Variants in MAPK10 observed in about 807,000 individuals in gnomAD.
The protein encoded by MAPK10 is JNK3 alpha protein kinase.
In MAPK10, 25 loss-of-function variants were observed where a neutral mutation model predicts 59.3. The observed-to-expected ratio is 0.42, with a 90% CI of 0.31 to 0.59. The LOEUF (loss-of-function observed/expected upper bound fraction) is 0.59. Among genes scored for constraint, MAPK10 ranks in the 20% least tolerant of loss-of-function variants. The pLI is 0.15. For missense variants in MAPK10, 351 were observed against 568.9 expected (o/e 0.62, Z 3.90); for synonymous variants, 190 against 200.5 (o/e 0.95, Z 0.44).
chr4:86,483,468 C>T (rs1436152635), intron 1 of MAPK10, among the ~76,000 whole-genome samples: 5 of 152,054 alleles, frequency 3.3e-5, no homozygotes, highest in Non-Finnish European at 7.4e-5. Flanking sequence ...AGAGAGACTT[C>T]ATGAAACGTG....
At chr4:86,305,934 A>G (rs1222592847) in intron 2 of MAPK10, among the ~76,000 whole-genome samples, 3 of 152,192 alleles carry the variant, frequency 2.0e-5, no homozygotes, top group Non-Finnish European at 4.4e-5. Flanking sequence ...GCTTAATATT[A>G]TCACAATTTA....
chr4:86,320,722 A>G (rs1253517710), intron 2 of MAPK10, among the ~76,000 whole-genome samples: 3 of 152,188 alleles, frequency 2.0e-5, no homozygotes, highest in African/African-American at 7.2e-5. Context: ...TTAGACATGA[A>G]GCCTTGCACA....
intron 1 of MAPK10, among the ~76,000 whole-genome samples, chr4:86,489,869 CA>C (rs1428237483): frequency 1.3e-5 from 2 of 152,198 alleles, no homozygotes; most frequent in Middle Eastern, 3.4e-3. Context: ...GAGTCTCTTC[CA>C]ACTCATTCTC....
At chr4:86,141,484 T>G (rs1267646444) in intron 4 of MAPK10, among the ~76,000 whole-genome samples, 1 of 152,188 alleles carries the variant, frequency 6.6e-6, no homozygotes. Flanking sequence ...AGAAGAAGTT[T>G]AAGACACCAT....
chr4:86,376,496 T>A (rs1006378895), intron 1 of MAPK10, among the ~76,000 whole-genome samples: 31 of 152,210 alleles, frequency 2.0e-4, no homozygotes, highest in African/African-American at 7.2e-4. Flanking sequence ...TCAAAATTTT[T>A]GTCAAAATAA....
intron 1 of MAPK10, among the ~76,000 whole-genome samples, chr4:86,376,709 A>G (rs1187312855): frequency 6.6e-6 from 1 of 152,220 alleles, no homozygotes; most frequent in Non-Finnish European, 1.5e-5. Flanking sequence ...CTAGCATTAG[A>G]CATGAGAAAC....
intron 11 of MAPK10, among the ~76,000 whole-genome samples, chr4:86,035,339 C>A (rs1394322284): frequency 2.2e-5 from 3 of 136,328 alleles, no homozygotes; most frequent in Non-Finnish European, 4.6e-5. Context: ...CCACTGCACT[C>A]CAGCCTGGGT....
intron 3 of MAPK10, 33 bp from the exon 4 acceptor site, chr4:86,159,500 C>G (rs2068842500): frequency 6.3e-7 from 1 of 1,579,774 alleles, no homozygotes; most frequent in Non-Finnish European, 8.7e-7. Context: ...AAACATGAGG[C>G]AAGTGAACAG....
At chr4:86,321,141 T>G (rs1189679092) in intron 2 of MAPK10, among the ~76,000 whole-genome samples, 1 of 151,990 alleles carries the variant, frequency 6.6e-6, no homozygotes, top group Non-Finnish European at 1.5e-5. Context: ...TTGGTGGGAC[T>G]GTAAACTAGT....
At chr4:86,316,888 A>AT (rs536937813) in intron 2 of MAPK10, among the ~76,000 whole-genome samples, 154 of 143,358 alleles carry the variant, frequency 1.1e-3, no homozygotes, top group African/African-American at 3.6e-3. Context: ...TATGCTTCAG[A>AT]TTTTATCATT....
At chr4:86,561,432 G>T (rs962752412) in intron 1 of MAPK10, among the ~76,000 whole-genome samples, 2 of 152,192 alleles carry the variant, frequency 1.3e-5, no homozygotes, top group African/African-American at 4.8e-5. Flanking sequence ...GACATTATTT[G>T]AACCTAGTTT....
chr4:86,088,010 T>A (rs1053524935), intron 9 of MAPK10, among the ~76,000 whole-genome samples: 3 of 152,212 alleles, frequency 2.0e-5, no homozygotes, highest in Non-Finnish European at 2.9e-5. Flanking sequence ...TGAAGTGTTT[T>A]ATTAAAGCAG....
At chr4:86,526,148 A>G (rs1484261883) in intron 1 of MAPK10, among the ~76,000 whole-genome samples, 4 of 152,164 alleles carry the variant, frequency 2.6e-5, no homozygotes, top group African/African-American at 9.7e-5. Context: ...AATTGGTACC[A>G]GCTATTCTTT....
intron 1 of MAPK10, among the ~76,000 whole-genome samples, chr4:86,448,488 T>C (rs2149052955): frequency 6.6e-6 from 1 of 152,252 alleles, no homozygotes; most frequent in Admixed American, 6.5e-5. Flanking sequence ...ACATAATATG[T>C]CTTACCATTT....
Position 86,459,741 on chromosome 4 carries a change from C to A in MAPK10, c.-262-105097G>T, listed in dbSNP as rs180873895. The stretch of plus-strand genomic sequence containing the variant: ...AGGATGCAAAGGCATAAGAATGACA[C>A]AATGGACTCTGGGGACTCAGGCAGA... On this transcript the variant is annotated intron_variant, in intron 1 of 4. Transcript: ENST00000502302. 2.2e-3 allele frequency among the ~76,000 whole-genome samples: 329 copies of A among 152,130 alleles called. 5 individuals are homozygous for A. The South Asian group carries it at 0.033, about 15-fold the overall frequency.
At chr4:86,571,255 C>A (rs1761424203) in intron 1 of MAPK10, among the ~76,000 whole-genome samples, 1 of 142,018 alleles carries the variant, frequency 7.0e-6, no homozygotes, top group East Asian at 2.0e-4. Flanking sequence ...CAATGATATC[C>A]AAAATTTAAA....
At chr4:86,487,609 T>C (rs1754107262) in intron 1 of MAPK10, among the ~76,000 whole-genome samples, 1 of 151,614 alleles carries the variant, frequency 6.6e-6, no homozygotes, top group Non-Finnish European at 1.5e-5. Context: ...CAGGTGCCTG[T>C]AGTCCCAGCT....
At chr4:86,432,646 T>G (rs1748194969) in intron 1 of MAPK10, among the ~76,000 whole-genome samples, 1 of 152,178 alleles carries the variant, frequency 6.6e-6, no homozygotes, top group South Asian at 2.1e-4. Flanking sequence ...GAGATTTCCA[T>G]GCAGGAACTT....
chr4:86,587,437 T>A (rs1469790591), intron 1 of MAPK10, among the ~76,000 whole-genome samples: 1 of 152,214 alleles, frequency 6.6e-6, no homozygotes, highest in African/African-American at 2.4e-5. Flanking sequence ...TTTCCCCAGC[T>A]AATTCTTGGT....
Sources: gnomAD v4.1 joint callset for allele counts (sites outside exome capture counted in the v4.1 genomes callset) on GRCh38, gnomAD v4.1.1 for gene constraint, MANE v1.5 for transcripts, NCBI Gene and HGNC (gene_info 2026-07-23, HGNC 2026-07-21) for gene names.